LRP1B: variants seen among roughly 807,000 people sequenced by gnomAD.
The protein encoded by LRP1B is low-density lipoprotein receptor-related protein 1B.
Under a neutral mutation model 556.6 loss-of-function variants are expected in LRP1B, and 217 were observed. The ratio of observed to expected loss-of-function variants is 0.39; its 90% CI spans 0.35 to 0.44. The LOEUF (loss-of-function observed/expected upper bound fraction) is 0.44, where lower values mean the gene tolerates loss of function less well. Among genes scored for constraint, LRP1B ranks in the 20% least tolerant of loss-of-function variants. LRP1B has a pLI of 1.00. For synonymous variants in LRP1B, 2,047 were observed against 1,865.8 expected (o/e 1.10, Z -2.50); for missense variants, 5,053 against 5,620.8 (o/e 0.90, Z 3.23).
At chr2:141,746,249 C>A (rs1284844639) in intron 2 of LRP1B, among the ~76,000 whole-genome samples, 1 of 152,072 alleles carries the variant, frequency 6.6e-6, no homozygotes, top group East Asian at 1.9e-4. Flanking sequence ...GCCTAGACTG[C>A]CTTTCAAGTT....
At chr2:140,242,977 T>G (rs1305485459) in intron 87 of LRP1B, among the ~76,000 whole-genome samples, 2 of 151,130 alleles carry the variant, frequency 1.3e-5, no homozygotes, top group African/African-American at 4.8e-5. Flanking sequence ...GGAACTTAAG[T>G]GTTGTTTCCA....
intron 7 of LRP1B, among the ~76,000 whole-genome samples, chr2:141,158,951 T>C (rs6718638): frequency 0.4 from 60,432 of 152,034 alleles, 13,727 homozygotes; most frequent in Non-Finnish European, 0.52. Context: ...TTACTTCTTA[T>C]AGCCAGTTTT....
chr2:141,161,900 T>C (rs1319918801), intron 7 of LRP1B, among the ~76,000 whole-genome samples: 1 of 152,122 alleles, frequency 6.6e-6, no homozygotes, highest in Non-Finnish European at 1.5e-5. Flanking sequence ...GATAAGTTCT[T>C]GCTGGGAGCT....
At chr2:141,960,755 G>T (rs553011393) in intron 1 of LRP1B, among the ~76,000 whole-genome samples, 10 of 151,880 alleles carry the variant, frequency 6.6e-5, no homozygotes, top group Admixed American at 5.3e-4. Flanking sequence ...ATTCTGCAAA[G>T]ATTATCTTTC....
At chr2:141,828,575 T>G (rs375445746) in intron 1 of LRP1B, among the ~76,000 whole-genome samples, 1 of 152,128 alleles carries the variant, frequency 6.6e-6, no homozygotes, top group Non-Finnish European at 1.5e-5. Context: ...AATCATCATA[T>G]CCTTTGCAGG....
intron 1 of LRP1B, among the ~76,000 whole-genome samples, chr2:141,821,252 C>T (rs529965714): frequency 8.5e-5 from 13 of 152,264 alleles, no homozygotes; most frequent in African/African-American, 2.6e-4. Context: ...TAATTTGTTA[C>T]GATAGCAAAG....
chr2:140,740,900 C>A (rs1688114733), intron 35 of LRP1B, among the ~76,000 whole-genome samples: 1 of 152,040 alleles, frequency 6.6e-6, no homozygotes, highest in South Asian at 2.1e-4. Flanking sequence ...ACCTTAATTA[C>A]ATCTCAAAAG....
At chr2:141,900,479 C>T (rs72850843) in intron 1 of LRP1B, among the ~76,000 whole-genome samples, 6 of 151,818 alleles carry the variant, frequency 4.0e-5, no homozygotes, top group Non-Finnish European at 7.4e-5. Flanking sequence ...TAATAATATT[C>T]CACATTCTTA....
intron 35 of LRP1B, among the ~76,000 whole-genome samples, chr2:140,729,119 TAAAA>T (rs1444853035): frequency 2.6e-5 from 4 of 151,888 alleles, no homozygotes. Flanking sequence ...CTTTGCAAAA[TAAAA>T]AATAAAAAGA....
chr2:141,032,826 C>CATACAT lies in LRP1B; in HGVS notation c.1790-12725_1790-12724insATGTAT. The stretch of plus-strand genomic sequence containing the variant: ...ATGTGTGTGTGTATATATATACATA[C>CATACAT]ATATATATATATATGCAGGCATATG... On this transcript the variant is annotated intron_variant, in intron 11 of 90. Transcript: ENST00000389484. Among the ~76,000 whole-genome samples, 662 of 126,660 alleles carry CATACAT rather than the reference C, an allele frequency of 5.2e-3. 37 individuals carry two copies. Among genetic ancestry groups the CATACAT allele is most frequent in the African/African-American group, 0.019 (614 of 33,012 alleles). 83.1% of individuals were successfully genotyped at this position (126,660 alleles called of 152,430 possible).
At chr2:141,724,713 G>C (rs529393256) in intron 2 of LRP1B, among the ~76,000 whole-genome samples, 20 of 151,852 alleles carry the variant, frequency 1.3e-4, no homozygotes, top group Non-Finnish European at 2.2e-4. Context: ...ATGGTGACAA[G>C]GTGGGGAGAA....
intron 24 of LRP1B, among the ~76,000 whole-genome samples, chr2:140,885,005 G>T (rs939871616): frequency 1.4e-4 from 22 of 152,150 alleles, no homozygotes; most frequent in Non-Finnish European, 4.4e-5. Context: ...GAGCCACTGT[G>T]CTGGCCAGCC....
chr2:140,670,593 T>C lies in LRP1B; in HGVS notation c.6799+29657A>G, dbSNP rs75968446. On this transcript the variant is annotated intron_variant, in intron 41 of 90. Coordinates refer to ENST00000389484, the MANE Select transcript of LRP1B (RefSeq NM_018557.3). ...TGCAGAGGATCCTGTATATAGAAGA[T>C]TGGATATTTATTCCCTGAAGGGTAA... 9.8e-3 allele frequency among the ~76,000 whole-genome samples: 1,488 copies of C among 152,216 alleles called. 26 individuals carry two copies. Among genetic ancestry groups the C allele is most frequent in the African/African-American group, 0.033 (1,389 of 41,526 alleles).
At chr2:141,001,104 T>G (rs778616939) in intron 15 of LRP1B, among the ~76,000 whole-genome samples, 52 of 152,090 alleles carry the variant, frequency 3.4e-4, no homozygotes, top group Non-Finnish European at 1.2e-4. Flanking sequence ...ACATGATGAA[T>G]GCAAGTCCCC....
intron 5 of LRP1B, among the ~76,000 whole-genome samples, chr2:141,229,820 T>C (rs972780423): frequency 6.6e-6 from 1 of 152,180 alleles, no homozygotes. Flanking sequence ...TAATGTTTTT[T>C]TGAGTCGAAT....
At chr2:141,090,165 G>A (rs1357134537) in intron 7 of LRP1B, among the ~76,000 whole-genome samples, 7 of 152,192 alleles carry the variant, frequency 4.6e-5, no homozygotes, top group South Asian at 4.2e-4. Context: ...TTGCATATAC[G>A]TTTCATCCTT....
chr2:141,583,130 C>T (rs935752297), intron 2 of LRP1B, among the ~76,000 whole-genome samples: 2 of 151,998 alleles, frequency 1.3e-5, no homozygotes. Flanking sequence ...GCCACCACGC[C>T]CGGCCAACAA....
intron 11 of LRP1B, among the ~76,000 whole-genome samples, chr2:141,040,865 T>C (rs771795713): frequency 1.3e-5 from 2 of 152,060 alleles, no homozygotes; most frequent in Non-Finnish European, 2.9e-5. Context: ...CCTTTCATAG[T>C]ATGTGAACAG....
chr2:141,974,609 C>A (rs149511138), intron 1 of LRP1B, among the ~76,000 whole-genome samples: 1 of 151,914 alleles, frequency 6.6e-6, no homozygotes, highest in African/African-American at 2.4e-5. Flanking sequence ...AATGTAAACA[C>A]GCGTTATGTG....
Sources: allele counts gnomAD v4.1 joint callset (sites outside exome capture counted in the v4.1 genomes callset), GRCh38; gene constraint gnomAD v4.1.1; transcripts MANE v1.5; gene names NCBI Gene and HGNC (gene_info 2026-07-23, HGNC 2026-07-21).